Variants in RBFOX1 observed in about 807,000 individuals in gnomAD.
RBFOX1 encodes the protein RNA binding protein fox-1 homolog 1.
RBFOX1 carries 8 observed loss-of-function variants against 57.7 expected under a neutral mutation model. The observed-to-expected ratio is 0.14, with a 90% CI of 0.08 to 0.25. The LOEUF (loss-of-function observed/expected upper bound fraction) is 0.25, where lower values mean the gene tolerates loss of function less well. RBFOX1 is among the 10% of genes least tolerant of loss of function. The pLI is 1.00. For missense variants in RBFOX1, 611 were observed against 548.5 expected, an observed-to-expected ratio of 1.11 and a Z score of -1.14; for synonymous variants, 326 against 222.4, an observed-to-expected ratio of 1.47 and a Z score of -4.15.
At chr16:7,156,997 C>T (rs1255436523) in intron 4 of RBFOX1, among the ~76,000 whole-genome samples, 1 of 152,176 alleles carries the variant, frequency 6.6e-6, no homozygotes, top group African/African-American at 2.4e-5. Flanking sequence ...AAACATACAT[C>T]CTCTGCTGTC....
At chr16:6,338,912 T>C (rs1567968250) in intron 2 of RBFOX1, among the ~76,000 whole-genome samples, 1 of 152,164 alleles carries the variant, frequency 6.6e-6, no homozygotes, top group Non-Finnish European at 1.5e-5. Context: ...CTCATTCTCA[T>C]AATGCAGGAG....
At chr16:6,987,150 CAGAG>C (rs2090470013) in intron 3 of RBFOX1, among the ~76,000 whole-genome samples, 1 of 152,080 alleles carries the variant, frequency 6.6e-6, no homozygotes, top group South Asian at 2.1e-4. Flanking sequence ...GGAGCTCAGT[CAGAG>C]AGCAGCATTT....
At chr16:6,057,343 A>T (rs1240901348) in intron 1 of RBFOX1, among the ~76,000 whole-genome samples, 1 of 151,668 alleles carries the variant, frequency 6.6e-6, no homozygotes, top group East Asian at 1.9e-4. Flanking sequence ...GCAACTGTTT[A>T]TTAATAAGCT....
At chr16:7,182,383 A>G (rs1170958311) in intron 4 of RBFOX1, among the ~76,000 whole-genome samples, 2 of 152,324 alleles carry the variant, frequency 1.3e-5, no homozygotes, top group African/African-American at 4.8e-5. Context: ...TCTTCATGAA[A>G]TGTCCTCACA....
chr16:7,023,814 C>G (rs1446793277), intron 3 of RBFOX1, among the ~76,000 whole-genome samples: 2 of 152,034 alleles, frequency 1.3e-5, no homozygotes, highest in African/African-American at 4.8e-5. Context: ...CTGGAGTAGG[C>G]TGCCATTTTT....
chr16:7,676,683 G>C, intron 13 of RBFOX1, 91 bp from the exon 14 acceptor site: 1 of 1,075,362 alleles, frequency 9.3e-7, no homozygotes, highest in Non-Finnish European at 1.4e-6. Flanking sequence ...AGTAGATTTG[G>C]GTAACAGCTG....
intron 4 of RBFOX1, among the ~76,000 whole-genome samples, chr16:7,200,023 T>C (rs148713173): frequency 6.6e-6 from 1 of 152,366 alleles, no homozygotes; most frequent in East Asian, 1.9e-4. Context: ...GTCACAATCA[T>C]AGAGCCAGAT....
intron 4 of RBFOX1, among the ~76,000 whole-genome samples, chr16:5,990,435 C>T (rs1293169762): frequency 1.3e-5 from 2 of 152,242 alleles, no homozygotes; most frequent in South Asian, 2.1e-4. Context: ...AACTTATTCA[C>T]ATTCGAGGAT....
intron 10 of RBFOX1, among the ~76,000 whole-genome samples, chr16:7,612,003 C>T (rs1280563070): frequency 6.6e-6 from 1 of 152,118 alleles, no homozygotes; most frequent in Non-Finnish European, 1.5e-5. Context: ...ATCTAATCAT[C>T]TCCAGAGTCC....
intron 3 of RBFOX1, among the ~76,000 whole-genome samples, chr16:6,930,037 C>T (rs371515861): frequency 4.6e-5 from 7 of 152,174 alleles, no homozygotes; most frequent in Non-Finnish European, 8.8e-5. Context: ...CACATCCTTG[C>T]TTATCCCCTC....
In RBFOX1 at chr16:5,857,961, G is replaced by T. The variant is rs372569715; in HGVS notation, c.319-9342G>T. The stretch of plus-strand genomic sequence containing the variant: ...GACCCTGTCTCAAAAAATAAAAAAA[G>T]AAATGTTATAAAATATCATTTTGTG... On this transcript the variant is annotated intron_variant, in intron 3 of 19. Coordinates refer to the RBFOX1 transcript ENST00000641259. Among the ~76,000 whole-genome samples the T allele has an allele frequency of 2.0e-5, 3 of 152,042 alleles. No individual in the cohort carries two copies. In the East Asian group the frequency reaches 5.8e-4, roughly 29 times the overall value.
intron 3 of RBFOX1, among the ~76,000 whole-genome samples, chr16:7,041,352 G>A (rs1443186450): frequency 6.6e-6 from 1 of 152,028 alleles, no homozygotes; most frequent in Non-Finnish European, 1.5e-5. Context: ...AGAGTCTGTG[G>A]CTCTCAAAGG....
At chr16:7,704,305 T>C (rs1447667291) in intron 14 of RBFOX1, among the ~76,000 whole-genome samples, 2 of 152,152 alleles carry the variant, frequency 1.3e-5, no homozygotes, top group African/African-American at 4.8e-5. Flanking sequence ...TTTTATATCT[T>C]TGTTTAGTTT....
intron 4 of RBFOX1, among the ~76,000 whole-genome samples, chr16:7,515,965 C>G (rs1240842982): frequency 6.6e-6 from 1 of 152,120 alleles, no homozygotes; most frequent in East Asian, 1.9e-4. Flanking sequence ...CTGCCTCAGT[C>G]TCCGGAGTAG....
intron 2 of RBFOX1, among the ~76,000 whole-genome samples, chr16:6,320,712 A>G (rs1425867287): frequency 6.6e-6 from 1 of 152,124 alleles, no homozygotes; most frequent in East Asian, 1.9e-4. Flanking sequence ...TGAACGCTTG[A>G]AATGTGACTA....
chr16:5,484,566 C>T (rs1417612902), intron 2 of RBFOX1, among the ~76,000 whole-genome samples: 1 of 152,078 alleles, frequency 6.6e-6, no homozygotes, highest in Non-Finnish European at 1.5e-5. Flanking sequence ...CTGCTTGAGG[C>T]CAGGGCTTCA....
chr16:7,209,736 G>T (rs181072806), intron 4 of RBFOX1, among the ~76,000 whole-genome samples: 2 of 152,172 alleles, frequency 1.3e-5, no homozygotes, highest in African/African-American at 2.4e-5. Flanking sequence ...CCTTTGTGGG[G>T]GCAGGAGTCT....
At chr16:5,856,192 T>TAA (rs1445662687) in intron 3 of RBFOX1, among the ~76,000 whole-genome samples, 6 of 56,182 alleles carry the variant, frequency 1.1e-4, no homozygotes, top group African/African-American at 3.2e-4. Flanking sequence ...TCTCTCTATA[T>TAA]ATATATATAT....
intron 3 of RBFOX1, among the ~76,000 whole-genome samples, chr16:6,900,907 G>T (rs1228797807): frequency 4.6e-5 from 7 of 152,184 alleles, no homozygotes; most frequent in Admixed American, 4.6e-4. Context: ...TAGATCCCCA[G>T]CATTTTGCAC....
Sources: allele counts gnomAD v4.1 joint callset (sites outside exome capture counted in the v4.1 genomes callset), GRCh38; gene constraint gnomAD v4.1.1; transcripts MANE v1.5; gene names NCBI Gene and HGNC (gene_info 2026-07-23, HGNC 2026-07-21).